Variants in BICD1 observed in about 807,000 individuals in gnomAD.
BICD1 encodes the protein protein bicaudal D homolog 1.
A neutral mutation model predicts 92.5 loss-of-function variants in BICD1; 35 were observed. That is an observed-to-expected ratio of 0.38 (90% CI 0.29 to 0.50). BICD1 has a LOEUF of 0.50. Ranked by LOEUF, BICD1 falls within the 20% of genes least tolerant of loss-of-function variation. The pLI, the probability that BICD1 is intolerant of heterozygous loss-of-function variation, is 0.93. For missense variants in BICD1, 950 were observed against 1,189.8 expected (o/e 0.80, Z 2.97); for synonymous variants, 429 against 465.1 (o/e 0.92, Z 1.00).
At chr12:32,338,422 C>A in intron 7 of BICD1, 1 of 188,074 alleles carries the variant, frequency 5.3e-6, no homozygotes, top group Non-Finnish European at 1.1e-5. Flanking sequence ...AGAGAAACCA[C>A]TTGTAAGGTT....
At chr12:32,324,176 G>A (rs1304166958) in intron 4 of BICD1, among the ~76,000 whole-genome samples, 1 of 152,020 alleles carries the variant, frequency 6.6e-6, no homozygotes, top group Non-Finnish European at 1.5e-5. Context: ...ACCCCATGGT[G>A]AAACCCCATT....
chr12:32,316,307 T>C (rs1181515250), intron 4 of BICD1, among the ~76,000 whole-genome samples: 1 of 151,858 alleles, frequency 6.6e-6, no homozygotes, highest in African/African-American at 2.4e-5. Flanking sequence ...TCTTTTTTGT[T>C]TGAGATGGAG....
In BICD1 at chr12:32,216,306, G is replaced by A. The variant is rs1253042137; in HGVS notation, c.273G>A (p.Glu91=). 2.5e-6 allele frequency: 4 copies of A among 1,614,036 alleles called. No homozygotes were observed. The East Asian group carries it at 6.7e-5, about 27-fold the overall frequency. The change falls in exon 2 of 10, where the codon GAG becomes GAA. Residue 91 remains glutamate, a synonymous_variant. Coordinates refer to ENST00000652176, the MANE Select transcript of BICD1 (RefSeq NM_001714.4). ...TTGCTGAAGATGGAGAGACTCGGGA[G>A]GAAACGCTTCTGCAGGAGTCAGCAT... ...RKVAEDGETR[E]ETLLQESASK...
In BICD1 at chr12:32,107,527, C is replaced by A; in HGVS notation, c.196C>A (p.Leu66Met). 6.3e-7 allele frequency: 1 copy of A among 1,592,654 alleles called. No individual in the cohort carries two copies. The highest frequency in any genetic ancestry group is 1.8e-5 in the Admixed American group (1 of 56,058). ...EAEYDSLKQELEQLKEAFGQS... is the reference protein window; with the variant it reads ...EAEYDSLKQEMEQLKEAFGQS... Reference sequence around the variant, plus strand: ...TGAGTACGACAGCCTCAAACAGGAGCTGGAGCAGCTCAAAGAGGTGAGTTG... The same window carrying A: ...TGAGTACGACAGCCTCAAACAGGAGATGGAGCAGCTCAAAGAGGTGAGTTG... Residue 66 changes from leucine (L) to methionine (M), a missense_variant, in exon 1 of 10, where the codon CTG becomes ATG. This residue lies in a region of BICD1 where 202 missense variants were observed against 205.3 expected (regional missense o/e 0.98). Transcript: ENST00000652176.
chr12:32,186,514 C>T (rs1013766782), intron 1 of BICD1, among the ~76,000 whole-genome samples: 1 of 152,158 alleles, frequency 6.6e-6, no homozygotes, highest in Non-Finnish European at 1.5e-5. Context: ...CTAAATTTCA[C>T]ACTTTCTAGA....
At chr12:32,297,729 TTTTAG>T (rs920376995) in intron 3 of BICD1, among the ~76,000 whole-genome samples, 1 of 152,244 alleles carries the variant, frequency 6.6e-6, no homozygotes, top group African/African-American at 2.4e-5. Context: ...ATTATTTTTC[TTTTAG>T]TTATTTATTA....
chr12:32,349,727 A>C (rs1183356966), intron 8 of BICD1, among the ~76,000 whole-genome samples: 1 of 152,194 alleles, frequency 6.6e-6, no homozygotes, highest in African/African-American at 2.4e-5. Context: ...GAAAATTCCC[A>C]TTATCTAATA....
At chr12:32,286,634 A>T (rs1212059951) in intron 2 of BICD1, among the ~76,000 whole-genome samples, 1 of 152,292 alleles carries the variant, frequency 6.6e-6, no homozygotes, top group East Asian at 1.9e-4. Flanking sequence ...TATTTTGAAG[A>T]TTTAGGTGTA....
At chr12:32,148,321 A>G (rs2121415922) in intron 1 of BICD1, among the ~76,000 whole-genome samples, 1 of 152,114 alleles carries the variant, frequency 6.6e-6, no homozygotes, top group African/African-American at 2.4e-5. Context: ...TCTCATACTG[A>G]TTCTGATTCC....
chr12:32,310,560 T>C (rs1431901523), intron 4 of BICD1, among the ~76,000 whole-genome samples: 1 of 152,214 alleles, frequency 6.6e-6, no homozygotes, highest in Non-Finnish European at 1.5e-5. Context: ...AGTTCATTAA[T>C]CTTACTGGCT....
intron 6 of BICD1, among the ~76,000 whole-genome samples, chr12:32,335,580 CT>C (rs11423390): frequency 1.7e-3 from 220 of 131,880 alleles, no homozygotes; most frequent in Middle Eastern, 4.1e-3. Context: ...AAAAGACCTA[CT>C]TTTTTTTTTT....
At position 32,380,143 on chromosome 12, in the gene BICD1, C is replaced by A. The variant is rs1940130034; in HGVS notation, c.*2516C>A. On this transcript the variant is annotated 3_prime_UTR_variant, in exon 10 of 10. Transcript: ENST00000652176. ...GGAAATAAATTTCTCATTTTCAGCA[C>A]AAAATTAAGTGATAGTCCCTAAGCA... The A allele has an allele frequency of 6.6e-6, 1 of 152,054 alleles. No individual in the cohort carries two copies. Among genetic ancestry groups the A allele is most frequent in the Non-Finnish European group, 1.5e-5 (1 of 68,020 alleles). The allele number at this position is 152,054 out of a possible 1,614,324, so 9.4% of individuals were successfully genotyped here.
intron 2 of BICD1, among the ~76,000 whole-genome samples, chr12:32,266,414 T>A (rs562844220): frequency 6.6e-6 from 1 of 152,314 alleles, no homozygotes; most frequent in South Asian, 2.1e-4. Context: ...ACAGGCCACA[T>A]TCTAAAAATT....
chr12:32,226,401 T>C (rs1338176298), intron 2 of BICD1, among the ~76,000 whole-genome samples: 1 of 152,266 alleles, frequency 6.6e-6, no homozygotes, highest in Non-Finnish European at 1.5e-5. Flanking sequence ...CCCAAAGTGC[T>C]TGGATTACAG....
intron 2 of BICD1, among the ~76,000 whole-genome samples, chr12:32,274,161 A>G (rs1947218038): frequency 6.6e-6 from 1 of 152,202 alleles, no homozygotes; most frequent in Non-Finnish European, 1.5e-5. Context: ...GGTAGAAAAA[A>G]ATTGATCACA....
At chr12:32,287,525 G>A (rs1592614126) in intron 2 of BICD1, among the ~76,000 whole-genome samples, 1 of 150,810 alleles carries the variant, frequency 6.6e-6, no homozygotes, top group East Asian at 2.0e-4. Flanking sequence ...TGCTCAGCTG[G>A]GTGGTGTTTT....
intron 9 of BICD1, among the ~76,000 whole-genome samples, chr12:32,371,148 T>C (rs949664530): frequency 9.2e-5 from 14 of 152,214 alleles, no homozygotes; most frequent in African/African-American, 3.1e-4. Flanking sequence ...GATGATTTAC[T>C]TTAAAGAAAA....
intron 5 of BICD1, among the ~76,000 whole-genome samples, chr12:32,331,173 G>A (rs148428440): frequency 1.6e-3 from 238 of 152,084 alleles, no homozygotes; most frequent in Non-Finnish European, 2.9e-3. Context: ...TGAAACAGAG[G>A]TATAGATAAG....
intron 1 of BICD1, among the ~76,000 whole-genome samples, chr12:32,202,900 C>T (rs1037234070): frequency 5.9e-5 from 9 of 152,178 alleles, no homozygotes; most frequent in Admixed American, 2.0e-4. Context: ...CGTGAGCCAC[C>T]GCACCAGGCC....
Sources: gnomAD v4.1 joint callset for allele counts (sites outside exome capture counted in the v4.1 genomes callset) on GRCh38, gnomAD v4.1.1 for gene constraint, gnomAD v4.1.1 regional missense constraint, MANE v1.5 for transcripts, NCBI Gene and HGNC (gene_info 2026-07-23, HGNC 2026-07-21) for gene names.